ALDH1A1: variants seen among roughly 807,000 people sequenced by gnomAD.
ALDH1A1 encodes the protein aldehyde dehydrogenase 1 family member A1.
A neutral mutation model predicts 62.1 loss-of-function variants in ALDH1A1; 19 were observed. The observed-to-expected ratio is 0.31, with a 90% CI of 0.21 to 0.45. The LOEUF (loss-of-function observed/expected upper bound fraction) is 0.45. ALDH1A1 is among the 20% of genes least tolerant of loss of function. The pLI is 1.00. For missense variants in ALDH1A1, 521 were observed against 607.1 expected (o/e 0.86, Z 1.49); for synonymous variants, 231 against 215.9 (o/e 1.07, Z -0.61).
chr9:72,921,129 C>T (rs1050346557), intron 7 of ALDH1A1, among the ~76,000 whole-genome samples: 2 of 151,942 alleles, frequency 1.3e-5, no homozygotes, highest in East Asian at 3.9e-4. Flanking sequence ...CGCCTGTAGT[C>T]CCAGCTACTC....
intron 11 of ALDH1A1, among the ~76,000 whole-genome samples, chr9:72,909,097 T>C (rs997555345): frequency 2.0e-5 from 3 of 151,318 alleles, no homozygotes; most frequent in Non-Finnish European, 4.4e-5. Context: ...TGGTAAGCAA[T>C]TTCAAGAAGC....
chr9:72,901,011 A>G lies in ALDH1A1; in HGVS notation c.*197T>C, dbSNP rs1363404537. On this transcript the variant is annotated 3_prime_UTR_variant, in exon 13 of 13. Coordinates refer to ENST00000297785, the MANE Select transcript of ALDH1A1 (RefSeq NM_000689.5). The stretch of plus-strand genomic sequence containing the variant: ...TTATTTAGGATAGGACTTGGGGGTC[A>G]CATTTCAGAAGGCAAATAATTCTTT... The G allele has an allele frequency of 2.2e-6, 1 of 448,796 alleles. No individual in the cohort carries two copies. The allele number at this position is 448,796 out of a possible 1,614,324, so 27.8% of individuals were successfully genotyped here.
intron 2 of ALDH1A1, among the ~76,000 whole-genome samples, chr9:72,936,728 A>G (rs1482076051): frequency 1.3e-5 from 2 of 152,130 alleles, no homozygotes; most frequent in Admixed American, 6.6e-5. Context: ...TCTATGCCCA[A>G]TTTTGGTTTG....
Position 72,930,997 on chromosome 9 carries a change from T to C in ALDH1A1, c.194A>G (p.Lys65Arg). 1.2e-6 allele frequency: 2 copies of C among 1,614,024 alleles called. No homozygotes were observed. The highest frequency in any genetic ancestry group is 1.7e-6 in the Non-Finnish European group (2 of 1,179,932). Residue 65 changes from lysine to arginine, a missense_variant, in exon 3 of 13, where the codon AAG becomes AGG. Transcript: ENST00000297785. ...GDKEDVDKAVKAARQAFQIGS... is the reference protein window; with the variant it reads ...GDKEDVDKAVRAARQAFQIGS... ...AATCTGAAAAGCCTGTCTTGCGGCC[T>C]TCACTGCCTTGTCAACATCCTCCTG...
At position 72,909,592 on chromosome 9, in the gene ALDH1A1, T is replaced by C. The variant is rs993523928; in HGVS notation, c.1358+10A>G. On this transcript the variant is annotated intron_variant, in intron 11 of 12. Coordinates refer to ENST00000297785, the MANE Select transcript of ALDH1A1 (RefSeq NM_000689.5). ...TACTGAAAAGGCTACATTCCTTAGG[T>C]TGGACTTACCACACTGTTCCTGCCT... The C allele has an allele frequency of 1.1e-5, 18 of 1,604,516 alleles. No homozygotes were observed. The highest frequency in any genetic ancestry group is 1.4e-5 in the Non-Finnish European group (17 of 1,176,246).
chr9:72,906,476 C>T (rs988518034), intron 11 of ALDH1A1, among the ~76,000 whole-genome samples: 1 of 152,064 alleles, frequency 6.6e-6, no homozygotes, highest in Non-Finnish European at 1.5e-5. Context: ...TAATATGTAT[C>T]ATATTACTCA....
intron 1 of ALDH1A1, among the ~76,000 whole-genome samples, chr9:72,942,676 A>G (rs112369171): frequency 2.0e-5 from 3 of 151,832 alleles, no homozygotes; most frequent in African/African-American, 7.2e-5. Flanking sequence ...TTGCTCTACC[A>G]TTCCCTCAGT....
intron 3 of ALDH1A1, among the ~76,000 whole-genome samples, chr9:72,930,261 A>C (rs1003049192): frequency 6.6e-6 from 1 of 152,182 alleles, no homozygotes; most frequent in Admixed American, 6.6e-5. Flanking sequence ...TAAACAAACA[A>C]AAATAGTATT....
intron 5 of ALDH1A1, among the ~76,000 whole-genome samples, chr9:72,926,458 T>C (rs554536816): frequency 2.6e-5 from 4 of 152,324 alleles, no homozygotes; most frequent in Admixed American, 2.0e-4. Context: ...TTTTAAAGCA[T>C]GTCAGTTAAA....
At chr9:72,940,402 T>G (rs1830402084) in intron 1 of ALDH1A1, 150 bp from the exon 2 acceptor site, 1 of 633,742 alleles carries the variant, frequency 1.6e-6, no homozygotes, top group Non-Finnish European at 2.8e-6. Flanking sequence ...TGAGACATTT[T>G]GTGTTCACAT....
chr9:72,948,884 G>A (rs908696484), intron 1 of ALDH1A1, among the ~76,000 whole-genome samples: 1 of 151,802 alleles, frequency 6.6e-6, no homozygotes, highest in African/African-American at 2.4e-5. Flanking sequence ...AAGCAAAGGG[G>A]ACAAAGGAGG....
chr9:72,938,560 C>T (rs1456733847), intron 2 of ALDH1A1, among the ~76,000 whole-genome samples: 1 of 152,152 alleles, frequency 6.6e-6, no homozygotes, highest in Admixed American at 6.5e-5. Context: ...GATTCTCCTA[C>T]CTCAGCCTCC....
intron 7 of ALDH1A1, 31 bp downstream of exon 7, chr9:72,923,987 TC>T (rs759792275): frequency 6.9e-7 from 1 of 1,453,248 alleles, no homozygotes. Context: ...ATGCAGACAT[TC>T]TTAACTTTTG....
At chr9:72,951,177 A>C (rs976865294) in intron 1 of ALDH1A1, among the ~76,000 whole-genome samples, 1 of 151,902 alleles carries the variant, frequency 6.6e-6, no homozygotes, top group Admixed American at 6.6e-5. Flanking sequence ...TCTTTTGGAC[A>C]CTTAGGTCAG....
At chr9:72,930,803 T>C (rs1379394079) in intron 3 of ALDH1A1, 76 bp downstream of exon 3, 1 of 1,578,780 alleles carries the variant, frequency 6.3e-7, no homozygotes, top group Non-Finnish European at 8.6e-7. Flanking sequence ...ATCCCTAAAA[T>C]CAAAACAACT....
At chr9:72,929,124 A>T in intron 3 of ALDH1A1, 103 bp from the exon 4 acceptor site, 2 of 1,278,834 alleles carry the variant, frequency 1.6e-6, no homozygotes, top group Non-Finnish European at 2.1e-6. Context: ...TTTTTGAAAT[A>T]GAAGAAATCT....
Position 72,928,978 on chromosome 9 carries a change from T to A in ALDH1A1, c.356A>T (p.Tyr119Phe), listed in dbSNP as rs1447605482. The change falls in exon 4 of 13, where the codon TAT (tyrosine) becomes TTT (phenylalanine). Residue 119 changes from tyrosine (Y) to phenylalanine (F), a missense_variant. Transcript: ENST00000297785. Reference protein sequence around the residue: ...MNGGKLYSNAYLNDLAGCIKT... With the variant: ...MNGGKLYSNAFLNDLAGCIKT... ...GATGCAGCCTGCTAAATCATTCAGA[T>A]ATGCATTGGAATAGAGTTTTCCACC... The A allele has an allele frequency of 1.7e-5, 27 of 1,613,872 alleles. No homozygotes were observed. Among genetic ancestry groups the A allele is most frequent in the Non-Finnish European group, 2.3e-5 (27 of 1,179,926 alleles).
In ALDH1A1 at chr9:72,953,011, G is replaced by A; in HGVS notation, c.-11C>T. On this transcript the variant is annotated 5_prime_UTR_variant, in exon 1 of 13. Transcript: ENST00000297785. ...GCCTGAGGATGACATTTCTGATTCG[G>A]CTCCTGGAACACAGGTGACTGGCTC... 6.2e-7 allele frequency: 1 copy of A among 1,612,856 alleles called. No homozygotes were observed. The highest frequency in any genetic ancestry group is 1.1e-5 in the South Asian group (1 of 91,034).
intron 9 of ALDH1A1, among the ~76,000 whole-genome samples, chr9:72,916,709 C>T (rs1830069187): frequency 6.6e-6 from 1 of 152,154 alleles, no homozygotes; most frequent in Non-Finnish European, 1.5e-5. Flanking sequence ...GGCCGGTAAA[C>T]TGTTTCTAGA....
Sources: gnomAD v4.1 joint callset for allele counts (sites outside exome capture counted in the v4.1 genomes callset) on GRCh38, gnomAD v4.1.1 for gene constraint, MANE v1.5 for transcripts, NCBI Gene and HGNC (gene_info 2026-07-23, HGNC 2026-07-21) for gene names.